Variants in SUMF1 observed in about 807,000 individuals in gnomAD.
The protein encoded by SUMF1 is formylglycine-generating enzyme.
A neutral mutation model predicts 47.6 loss-of-function variants in SUMF1; 48 were observed. That is an observed-to-expected ratio of 1.01 (90% CI 0.80 to 1.28). The LOEUF (loss-of-function observed/expected upper bound fraction) is 1.28. SUMF1 is among the 50% of genes most tolerant of loss of function. SUMF1 has a pLI of 0.00. For missense variants in SUMF1, 571 were observed against 485.4 expected (o/e 1.18, Z -1.66); for synonymous variants, 230 against 192.1 (o/e 1.20, Z -1.63).
chr3:4,062,869 G>A (rs568149865), intron 9 of SUMF1, among the ~76,000 whole-genome samples: 1 of 152,208 alleles, frequency 6.6e-6, no homozygotes, highest in South Asian at 2.1e-4. Context: ...TTAGATAACA[G>A]GGAAGTCTAA....
chr3:4,399,798 T>A (rs1020103045), intron 7 of SUMF1, among the ~76,000 whole-genome samples: 1 of 152,162 alleles, frequency 6.6e-6, no homozygotes, highest in African/African-American at 2.4e-5. Context: ...CGCTCTGCCA[T>A]CTAGCCTGAA....
chr3:4,456,717 CAT>C (rs1187353873), intron 1 of SUMF1, among the ~76,000 whole-genome samples: 59 of 87,924 alleles, frequency 6.7e-4, no homozygotes, highest in Middle Eastern at 8.6e-3. Context: ...TATATATATA[CAT>C]ATATATACGT....
intron 1 of SUMF1, among the ~76,000 whole-genome samples, chr3:4,462,379 G>C (rs1045636767): frequency 2.0e-5 from 3 of 152,122 alleles, no homozygotes; most frequent in Admixed American, 2.0e-4. Flanking sequence ...CAATGGAGCC[G>C]ACTATGCAGA....
rs370351015 is a variant in SUMF1, at chr3:4,449,391, T to G, written c.445-51A>C. On this transcript the variant is annotated intron_variant, in intron 2 of 8. Transcript: ENST00000272902. ...TCCAGAAAAGGTTGTAGTAATGTGT[T>G]GCATGTGTGCCCTTTTCTCTCCACA... 3 of 1,559,738 alleles carry G rather than the reference T, an allele frequency of 1.9e-6. No individual in the cohort carries two copies. In the African/African-American group the frequency reaches 4.1e-5, roughly 21 times the overall value.
At chr3:4,151,537 A>C (rs547642215) in intron 8 of SUMF1, among the ~76,000 whole-genome samples, 1 of 125,262 alleles carries the variant, frequency 8.0e-6, no homozygotes, top group African/African-American at 3.1e-5. Flanking sequence ...ATATATGTGT[A>C]TATATATGTG....
At chr3:4,313,592 G>A (rs1431735145) in intron 8 of SUMF1, 35 of 1,613,936 alleles carry the variant, frequency 2.2e-5, no homozygotes, top group Non-Finnish European at 3.0e-5. Context: ...GGGAAACTAA[G>A]GAAACCTTGT....
intron 7 of SUMF1, among the ~76,000 whole-genome samples, chr3:4,405,315 G>A (rs1575182001): frequency 6.6e-6 from 1 of 152,296 alleles, no homozygotes; most frequent in Non-Finnish European, 1.5e-5. Flanking sequence ...GCTCAGAGGG[G>A]TGGCCTCTGC....
At chr3:4,039,965 T>C (rs1168554537) in intron 9 of SUMF1, among the ~76,000 whole-genome samples, 1 of 152,072 alleles carries the variant, frequency 6.6e-6, no homozygotes, top group Non-Finnish European at 1.5e-5. Context: ...AAGGCTGCAA[T>C]GAGCCATGAT....
chr3:4,270,535 T>C (rs1283534674), intron 8 of SUMF1, among the ~76,000 whole-genome samples: 3 of 152,130 alleles, frequency 2.0e-5, no homozygotes, highest in Non-Finnish European at 4.4e-5. Context: ...CAACTCCTAA[T>C]TCTTAAGGAT....
chr3:4,065,085 T>C (rs56189340), intron 9 of SUMF1, among the ~76,000 whole-genome samples: 1 of 152,160 alleles, frequency 6.6e-6, no homozygotes, highest in Non-Finnish European at 1.5e-5. Context: ...TATGTAAAGT[T>C]CTACAGCAGA....
At chr3:4,293,518 C>T (rs920569834) in intron 8 of SUMF1, among the ~76,000 whole-genome samples, 5 of 152,114 alleles carry the variant, frequency 3.3e-5, no homozygotes, top group East Asian at 3.8e-4. Context: ...GTTATTTCCT[C>T]GGCATTTTTA....
intron 8 of SUMF1, among the ~76,000 whole-genome samples, chr3:4,133,635 C>A (rs1474742017): frequency 6.6e-6 from 1 of 152,032 alleles, no homozygotes; most frequent in Non-Finnish European, 1.5e-5. Flanking sequence ...ACTGGCCTAG[C>A]CTTTCACCCT....
chr3:4,316,602 C>A (rs968658005), intron 8 of SUMF1: 3 of 1,551,108 alleles, frequency 1.9e-6, no homozygotes, highest in Admixed American at 2.0e-5. Context: ...TCAAAAAAAT[C>A]GTCGTTTTGA....
intron 8 of SUMF1, among the ~76,000 whole-genome samples, chr3:4,211,199 C>CATATATATATATATATATATATATATAT (rs3046224): frequency 4.7e-5 from 4 of 85,032 alleles, no homozygotes; most frequent in Admixed American, 1.3e-4. Flanking sequence ...CATATACATA[C>CATATATATATATATATATATATATATAT]ATACATATAT....
intron 8 of SUMF1, among the ~76,000 whole-genome samples, chr3:4,301,308 G>A (rs984274569): frequency 1.3e-5 from 2 of 152,176 alleles, no homozygotes; most frequent in Non-Finnish European, 2.9e-5. Context: ...GGTTCCAACA[G>A]AGAACAGCAG....
At chr3:4,116,435 C>CA (rs60727056) in intron 8 of SUMF1, among the ~76,000 whole-genome samples, 2 of 152,066 alleles carry the variant, frequency 1.3e-5, no homozygotes, top group Non-Finnish European at 2.9e-5. Context: ...CCTAAATTTT[C>CA]AAAAGAGTTA....
intron 8 of SUMF1, among the ~76,000 whole-genome samples, chr3:4,308,638 T>C (rs1445590921): frequency 6.6e-6 from 1 of 152,212 alleles, no homozygotes; most frequent in African/African-American, 2.4e-5. Context: ...ACAATGCTAA[T>C]AAGAGCCTGG....
At chr3:4,269,901 G>T (rs965124425) in intron 8 of SUMF1, among the ~76,000 whole-genome samples, 1 of 152,164 alleles carries the variant, frequency 6.6e-6, no homozygotes, top group Non-Finnish European at 1.5e-5. Context: ...TGCACTCTGT[G>T]TAAGGACAGT....
intron 8 of SUMF1, among the ~76,000 whole-genome samples, chr3:4,312,246 T>C (rs1472947648): frequency 6.6e-6 from 1 of 152,152 alleles, no homozygotes; most frequent in Non-Finnish European, 1.5e-5. Flanking sequence ...CATATATGCA[T>C]GTATATTATC....
Sources: gnomAD v4.1 joint callset for allele counts (sites outside exome capture counted in the v4.1 genomes callset) on GRCh38, gnomAD v4.1.1 for gene constraint, MANE v1.5 for transcripts, NCBI Gene and HGNC (gene_info 2026-07-23, HGNC 2026-07-21) for gene names.